LRGUK: variants seen among roughly 807,000 people sequenced by gnomAD.
The protein encoded by LRGUK is leucine-rich repeat and guanylate kinase domain-containing protein.
In LRGUK, 65 loss-of-function variants were observed where a neutral mutation model predicts 76.0. The ratio of observed to expected loss-of-function variants is 0.85; its 90% CI spans 0.70 to 1.05. LRGUK has a LOEUF of 1.05. LRGUK is among the 50% of genes least tolerant of loss of function. The pLI is 0.00. For missense variants in LRGUK, 758 were observed against 732.8 expected (o/e 1.03, Z -0.40); for synonymous variants, 268 against 265.6 (o/e 1.01, Z -0.09).
Position 134,247,074 on chromosome 7 carries a change from A to G in LRGUK, c.1984-482A>G, listed in dbSNP as rs534723793. ...TCTGTATCCCCATTAAATGCTTACTAAAGAATGATAGTGATATTTGTGAAA... is the reference window on the plus strand; with the variant it reads ...TCTGTATCCCCATTAAATGCTTACTGAAGAATGATAGTGATATTTGTGAAA... On this transcript the variant is annotated intron_variant, in intron 16 of 19. Coordinates refer to the LRGUK transcript ENST00000285928. Among the ~76,000 whole-genome samples, 11 of 152,330 alleles carry G rather than the reference A, an allele frequency of 7.2e-5. No individual in the cohort carries two copies. In the South Asian group the frequency reaches 1.2e-3, roughly 17 times the overall value.
exon 16 of LRGUK, chr7:134,208,786 A>G (rs1801113404): frequency 7.5e-6 from 3 of 398,936 alleles, no homozygotes; most frequent in South Asian, 1.3e-4. Context: ...CGAAACTGCA[A>G]GCAGATGGCC....
intron 11 of LRGUK, among the ~76,000 whole-genome samples, chr7:134,191,008 G>C (rs916925372): frequency 1.4e-5 from 2 of 147,322 alleles, no homozygotes; most frequent in African/African-American, 2.5e-5. Flanking sequence ...GCTGAGCTGA[G>C]ACTTCCATTC....
intron 6 of LRGUK, among the ~76,000 whole-genome samples, chr7:134,161,194 A>G (rs538400352): frequency 5.9e-5 from 9 of 152,220 alleles, no homozygotes; most frequent in Non-Finnish European, 1.2e-4. Flanking sequence ...AAAGCATTTC[A>G]GAGTTCTTTA....
chr7:134,207,126 C>G (rs1398840363), intron 15 of LRGUK, among the ~76,000 whole-genome samples: 1 of 152,114 alleles, frequency 6.6e-6, no homozygotes. Flanking sequence ...TTATATTTTT[C>G]CATCTTTTAA....
chr7:134,135,041 G>T (rs1290019983), intron 1 of LRGUK, among the ~76,000 whole-genome samples: 1 of 152,132 alleles, frequency 6.6e-6, no homozygotes, highest in Non-Finnish European at 1.5e-5. Context: ...ATTAACAGGA[G>T]AAAAGGTATT....
At chr7:134,158,758 A>T (rs1798589979) in intron 6 of LRGUK, among the ~76,000 whole-genome samples, 3 of 152,168 alleles carry the variant, frequency 2.0e-5, no homozygotes, top group Admixed American at 2.0e-4. Context: ...TGTGACTATG[A>T]CTCAATTTAC....
intron 19 of LRGUK, among the ~76,000 whole-genome samples, chr7:134,260,695 T>C (rs1033866193): frequency 2.0e-5 from 3 of 152,280 alleles, no homozygotes; most frequent in African/African-American, 7.2e-5. Flanking sequence ...TGTTGGGGCT[T>C]TAGCTGTTCT....
At chr7:134,275,863 T>C in the LRGUK span, among the ~76,000 whole-genome samples, 18 of 152,144 alleles carry the variant, frequency 1.2e-4, no homozygotes, top group African/African-American at 4.3e-4. Flanking sequence ...TTCAATTCAA[T>C]TAGATAAGGC....
intron 11 of LRGUK, among the ~76,000 whole-genome samples, chr7:134,188,889 G>A (rs939211546): frequency 6.6e-6 from 1 of 152,114 alleles, no homozygotes; most frequent in Non-Finnish European, 1.5e-5. Context: ...TTCTAAATCT[G>A]CATGCGTCTG....
chr7:134,143,808 A>AAT (rs2116849719), intron 4 of LRGUK, among the ~76,000 whole-genome samples: 1 of 152,348 alleles, frequency 6.6e-6, no homozygotes, highest in East Asian at 1.9e-4. Context: ...TCTGTTGCTT[A>AAT]AATGCATGCC....
exon 20 of LRGUK, chr7:134,263,906 C>T (rs756618139): frequency 6.2e-7 from 1 of 1,612,574 alleles, no homozygotes; most frequent in Non-Finnish European, 8.5e-7. Flanking sequence ...AACACTCGGT[C>T]CCAGTCATCA....
At chr7:134,237,633 C>A (rs897112571) in intron 16 of LRGUK, among the ~76,000 whole-genome samples, 7 of 152,188 alleles carry the variant, frequency 4.6e-5, no homozygotes, top group African/African-American at 1.4e-4. Context: ...CTTGTGCTTT[C>A]CCTGTCCCAG....
chr7:134,165,314 C>T (rs1308108493), intron 7 of LRGUK, among the ~76,000 whole-genome samples: 7 of 152,080 alleles, frequency 4.6e-5, no homozygotes, highest in Admixed American at 4.6e-4. Context: ...AAGTAACTTG[C>T]CCAAAGTCAT....
chr7:134,253,779 C>T (rs1257933770), intron 18 of LRGUK, among the ~76,000 whole-genome samples: 1 of 152,216 alleles, frequency 6.6e-6, no homozygotes, highest in Non-Finnish European at 1.5e-5. Flanking sequence ...GGTGCCACTA[C>T]ACTCCAGTCT....
At chr7:134,136,708 G>A (rs1202964122) in intron 1 of LRGUK, among the ~76,000 whole-genome samples, 1 of 152,158 alleles carries the variant, frequency 6.6e-6, no homozygotes, top group African/African-American at 2.4e-5. Flanking sequence ...GTCTGGAATA[G>A]AGAACCCCTC....
exon 20 of LRGUK, chr7:134,264,099 A>C (rs1321031920): frequency 2.2e-6 from 2 of 914,850 alleles, no homozygotes; most frequent in Non-Finnish European, 3.0e-6. Context: ...AGAATGTTCT[A>C]CCTGCCTTAA....
chr7:134,128,628 C>G (rs948968182), intron 1 of LRGUK, among the ~76,000 whole-genome samples: 10 of 152,232 alleles, frequency 6.6e-5, no homozygotes, highest in Non-Finnish European at 1.3e-4. Context: ...CCGCTCATTG[C>G]AAGCTCCACC....
chr7:134,182,529 GC>G (rs1258854787), intron 10 of LRGUK, among the ~76,000 whole-genome samples: 2 of 152,036 alleles, frequency 1.3e-5, no homozygotes, highest in Non-Finnish European at 2.9e-5. Context: ...TTTCCCATAG[GC>G]TTTTGCTCTC....
chr7:134,171,390 A>AAT (rs1041573389), intron 7 of LRGUK, among the ~76,000 whole-genome samples: 13 of 151,780 alleles, frequency 8.6e-5, no homozygotes, highest in Non-Finnish European at 1.8e-4. Context: ...TAAGACGACA[A>AAT]ATATATATAT....
Sources: gnomAD v4.1 joint callset for allele counts (sites outside exome capture counted in the v4.1 genomes callset) on GRCh38, gnomAD v4.1.1 for gene constraint, MANE v1.5 for transcripts, NCBI Gene and HGNC (gene_info 2026-07-23, HGNC 2026-07-21) for gene names.